The following CUL7 variants were observed in gnomAD, a reference collection of about 807,000 sequenced individuals.
The protein encoded by CUL7 is cullin-7.
Under a neutral mutation model 177.7 loss-of-function variants are expected in CUL7, and 96 were observed. That is an observed-to-expected ratio of 0.54 (90% CI 0.46 to 0.64). The LOEUF is 0.64. CUL7 is among the 30% of genes least tolerant of loss of function. The pLI is 0.00. For missense variants in CUL7, 1,893 were observed against 2,187.9 expected (o/e 0.87, Z 2.69); for synonymous variants, 824 against 890.2 (o/e 0.93, Z 1.32).
Position 43,040,157 on chromosome 6 carries a change from CTTG to C in CUL7, c.4290_4292del (p.Asn1430del), listed in dbSNP as rs763914646. On this transcript the variant is annotated inframe_deletion and splice_region_variant, in exon 22 of 26. Transcript: ENST00000265348. The surrounding 1 kb of genome is among the most constrained non-coding windows in gnomAD (Gnocchi z 4.2). ...CAGTCCCTCTGCCTGGCTGCTCACTCTTGTTGTAGAAGTTGGAGTATCTGTTCA... is the reference window on the plus strand; with the variant it reads ...CAGTCCCTCTGCCTGGCTGCTCACTCTTGTAGAAGTTGGAGTATCTGTTCA... 1.5e-5 allele frequency: 24 copies of C among 1,614,066 alleles called. No homozygotes were observed. Among genetic ancestry groups the C allele is most frequent in the East Asian group, 8.9e-5 (4 of 44,892 alleles).
At position 43,037,829 on chromosome 6, in the gene CUL7, G is replaced by A. The variant is rs1763075144; in HGVS notation, c.4956C>T (p.Val1652=). ...QVLSYAVPVT[V]MEPHTESLNP... ...TCAGGGACTCAGTGTGAGGCTCCAT[G>A]ACAGTCACAGGGACTGCATAGGACA... Residue 1652 remains valine (V), a synonymous_variant, in exon 26 of 26, where the codon GTC becomes GTT. Coordinates refer to ENST00000265348, the MANE Select transcript of CUL7 (RefSeq NM_014780.5). 1 of 1,612,106 alleles carries A rather than the reference G, an allele frequency of 6.2e-7. No homozygotes were observed. The highest frequency in any genetic ancestry group is 8.5e-7 in the Non-Finnish European group (1 of 1,179,236).
chr6:43,052,487 G>A lies in CUL7; in HGVS notation c.302C>T (p.Ala101Val). The change falls in exon 2 of 26, where the codon GCC becomes GTC. Residue 101 changes from alanine to valine, a missense_variant. By Grantham distance (64) the Ala-to-Val change is moderately conservative. Coordinates refer to ENST00000265348, the MANE Select transcript of CUL7 (RefSeq NM_014780.5). The surrounding 1 kb of genome is among the most constrained non-coding windows in gnomAD (Gnocchi z 4.5). ...PSQESAGEVG[A>V]LDKSVLEEME... is the part of the protein sequence containing the mutation. ...CTCCTCCAGCACAGATTTGTCCAGG[G>A]CCCCAACCTCCCCTGCAGACTCCTG... is the stretch of plus-strand genomic sequence containing the variant. 1.9e-6 allele frequency: 3 copies of A among 1,614,102 alleles called. No individual in the cohort carries two copies. The highest frequency in any genetic ancestry group is 2.5e-6 in the Non-Finnish European group (3 of 1,180,030).
At chr6:43,039,553 AAAAAGC>A (rs1763233749) in intron 22 of CUL7, among the ~76,000 whole-genome samples, 1 of 152,056 alleles carries the variant, frequency 6.6e-6, no homozygotes, top group African/African-American at 2.4e-5. Flanking sequence ...TTTAGAACAG[AAAAAGC>A]AATGGTCTGG....
Position 43,045,124 on chromosome 6 carries a change from T to C in CUL7, c.3038+103A>G. On this transcript the variant is annotated intron_variant, in intron 15 of 25. Coordinates refer to ENST00000265348, the MANE Select transcript of CUL7 (RefSeq NM_014780.5). This position sits in a 1 kb window ranked among gnomAD's most constrained non-coding sequence, Gnocchi z 4.8. ...AACTCCAGCCCCCTCCCCACGCATATTAAACCTCCATCTCACAGCTTCTAT... is the reference window on the plus strand; with the variant it reads ...AACTCCAGCCCCCTCCCCACGCATACTAAACCTCCATCTCACAGCTTCTAT... The C allele has an allele frequency of 1.4e-6, 2 of 1,466,522 alleles. No individual in the cohort carries two copies. Among genetic ancestry groups the C allele is most frequent in the Non-Finnish European group, 1.9e-6 (2 of 1,072,962 alleles). The allele number at this position is 1,466,522 out of a possible 1,614,324, so 90.8% of individuals were successfully genotyped here. A position where few individuals can be genotyped will look rare whatever the true frequency, so the allele number is the denominator to read the frequency against.
Position 43,052,814 on chromosome 6 carries a change from A to G in CUL7, c.-8-18T>C. Reference sequence around the variant, plus strand: ...CCTGGCACCTGGAGCACACAAGGAAAAGAGAACAGACAAGCTAGAGGAAGG... The same window carrying G: ...CCTGGCACCTGGAGCACACAAGGAAGAGAGAACAGACAAGCTAGAGGAAGG... On this transcript the variant is annotated intron_variant, in intron 1 of 25. Coordinates refer to ENST00000265348, the MANE Select transcript of CUL7 (RefSeq NM_014780.5). The surrounding 1 kb of genome is among the most constrained non-coding windows in gnomAD (Gnocchi z 4.5). The G allele has an allele frequency of 6.3e-7, 1 of 1,598,956 alleles. No individual in the cohort carries two copies. The highest frequency in any genetic ancestry group is 8.5e-7 in the Non-Finnish European group (1 of 1,178,914).
At position 43,046,421 on chromosome 6, in the gene CUL7, G is replaced by C; in HGVS notation, c.2489-14C>G. The C allele has an allele frequency of 6.2e-7, 1 of 1,614,228 alleles. No homozygotes were observed. The highest frequency in any genetic ancestry group is 2.2e-5 in the East Asian group (1 of 44,894). On this transcript the variant is annotated splice_polypyrimidine_tract_variant and intron_variant, in intron 11 of 25. Transcript: ENST00000265348. Reference sequence around the variant, plus strand: ...CCACACTGGAGCCTGGGGGCAAGTGGGAAGGGGTGGTGGTCACGGTCAGGT... The same window carrying C: ...CCACACTGGAGCCTGGGGGCAAGTGCGAAGGGGTGGTGGTCACGGTCAGGT...
In CUL7 at chr6:43,043,591, T is replaced by C. The variant is rs1763639147; in HGVS notation, c.3212A>G (p.Gln1071Arg). 2.5e-6 allele frequency: 4 copies of C among 1,613,188 alleles called. No individual in the cohort carries two copies. Among genetic ancestry groups the C allele is most frequent in the African/African-American group, 1.3e-5 (1 of 75,028 alleles). Residue 1071 changes from glutamine to arginine, a missense_variant, in exon 17 of 26, where the codon CAG (glutamine) becomes CGG (arginine). Transcript: ENST00000265348. The surrounding 1 kb of genome is among the most constrained non-coding windows in gnomAD (Gnocchi z 4.2). The stretch of plus-strand genomic sequence containing the variant: ...GACAGCTTCCTGACACTCCAGGTAC[T>C]GGTCCAGCAGCCAACCCAGGGGGCT... ...GISPLGWLLD[Q>R]YLECQEAVFN...
chr6:43,047,233 A>G lies in CUL7; in HGVS notation c.2170-126T>C, dbSNP rs573614432. 8 of 683,078 alleles carry G rather than the reference A, an allele frequency of 1.2e-5. No individual in the cohort carries two copies. The East Asian group carries it at 2.1e-4, about 18-fold the overall frequency. 42.3% of individuals were successfully genotyped at this position (683,078 alleles called of 1,614,324 possible). A position where few individuals can be genotyped will look rare whatever the true frequency, so the allele number is the denominator to read the frequency against. On this transcript the variant is annotated intron_variant, in intron 9 of 25. Coordinates refer to ENST00000265348, the MANE Select transcript of CUL7 (RefSeq NM_014780.5). ...CTAGGGGTGCTACAGTGAGCAAGGC[A>G]GAGTGACGAAGTGAAAAGACAGGGA...
chr6:43,040,515 T>A lies in CUL7; in HGVS notation c.4023+15A>T, dbSNP rs1317736545. The A allele has an allele frequency of 1.4e-5, 23 of 1,613,680 alleles. No individual in the cohort carries two copies. Among genetic ancestry groups the A allele is most frequent in the Non-Finnish European group, 1.9e-5 (22 of 1,179,996 alleles). On this transcript the variant is annotated intron_variant, in intron 21 of 25. Transcript: ENST00000265348. This position sits in a 1 kb window ranked among gnomAD's most constrained non-coding sequence, Gnocchi z 4.2. ...CCCTACCCTCTTATTTGCTTATCCC[T>A]TCCAAGGCACTCACCTGTATTTTCT...
In CUL7 at chr6:43,046,917, C is replaced by T. The variant is rs200899810; in HGVS notation, c.2360G>A (p.Arg787His). The T allele has an allele frequency of 2.5e-5, 40 of 1,611,274 alleles. No individual in the cohort carries two copies. The highest frequency in any genetic ancestry group is 6.7e-5 in the East Asian group (3 of 44,882). Residue 787 changes from arginine (R) to histidine (H), a missense_variant, in exon 10 of 26, where the codon CGC becomes CAC. By Grantham distance (29) the Arg-to-His change is conservative. Around this residue, in one of 5 missense-constraint regions of CUL7, gnomAD observed 973 missense variants for 1,140.9 expected, o/e 0.85. Coordinates refer to ENST00000265348, the MANE Select transcript of CUL7 (RefSeq NM_014780.5). The part of the protein sequence containing the change: ...FKCEKHAHLY[R>H]KLITNILGGC... ...TCCCAGGATGTTGGTGATGAGTTTG[C>T]GGTAGAGGTGGGCATGCTTCTCACA...
rs1419298879 is a variant in CUL7, at chr6:43,043,499, G to A, written c.3304C>T (p.His1102Tyr). Residue 1102 changes from histidine (H) to tyrosine (Y), a missense_variant, in exon 17 of 26, where the codon CAT becomes TAT. By Grantham distance (83) the His-to-Tyr change is moderately conservative. Coordinates refer to ENST00000265348, the MANE Select transcript of CUL7 (RefSeq NM_014780.5). This position sits in a 1 kb window ranked among gnomAD's most constrained non-coding sequence, Gnocchi z 4.2. ...GGGGGTGCCTCACAGGGCTCGACAT[G>A]CACCAGCAGGTGAGTGAGACGGCGC... ...RVRRLTHLLV[H>Y]VEPCEAPPPV... The A allele has an allele frequency of 1.2e-6, 2 of 1,614,124 alleles. No individual in the cohort carries two copies. The highest frequency in any genetic ancestry group is 1.7e-4 in the Middle Eastern group (1 of 6,060).
At position 43,050,154 on chromosome 6, in the gene CUL7, G is replaced by C; in HGVS notation, c.1378C>G (p.Pro460Ala). Residue 460 changes from proline to alanine, a missense_variant, in exon 6 of 26, where the codon CCT becomes GCT. Transcript: ENST00000265348. The surrounding 1 kb of genome is among the most constrained non-coding windows in gnomAD (Gnocchi z 4.1). ...GTCATGGGCCTCCAGCGCCAGGCAG[G>C]CAGGGCTGTGAAAATGGGCCAAGGG... ...VASRVLGRAL[P>A]AWRWRPMTEL... The C allele has an allele frequency of 1.2e-6, 2 of 1,614,210 alleles. No individual in the cohort carries two copies. The highest frequency in any genetic ancestry group is 1.7e-6 in the Non-Finnish European group (2 of 1,180,044).
chr6:43,047,169 CAG>C lies in CUL7; in HGVS notation c.2170-64_2170-63del, dbSNP rs1483091230. On this transcript the variant is annotated intron_variant, in intron 9 of 25. Coordinates refer to ENST00000265348, the MANE Select transcript of CUL7 (RefSeq NM_014780.5). ...AGGGCGAGGGCCACAAGGGCACCTG[CAG>C]TAGCAGGTACCCACTGTGTACTCTG... The C allele has an allele frequency of 6.6e-6, 6 of 913,856 alleles. No individual in the cohort carries two copies. The African/African-American group carries it at 9.8e-5, about 15-fold the overall frequency. The allele number at this position is 913,856 out of a possible 1,614,324, so 56.6% of individuals were successfully genotyped here. A position where few individuals can be genotyped will look rare whatever the true frequency, so the allele number is the denominator to read the frequency against.
rs760376155 is a variant in CUL7 at position 43,048,162 on chromosome 6, T to C, written c.2155A>G (p.Asn719Asp). ...GGCAGGGGTACCTCTCGATCAGTGT[T>C]TGGGGACCGCAGGCAGGCCATGCAG... ...DACMACLRSPNTDREVLQELI... is the reference protein window; with the variant it reads ...DACMACLRSPDTDREVLQELI... The change falls in exon 9 of 26, where the codon AAC becomes GAC. Residue 719 changes from asparagine (N) to aspartate (D), a missense_variant. Transcript: ENST00000265348. 1 of 1,612,340 alleles carries C rather than the reference T, an allele frequency of 6.2e-7. No individual in the cohort carries two copies. Among genetic ancestry groups the C allele is most frequent in the Admixed American group, 1.7e-5 (1 of 59,996 alleles).
chr6:43,052,153 C>T lies in CUL7; in HGVS notation c.580+56G>A, dbSNP rs772877656. The T allele has an allele frequency of 5.0e-6, 8 of 1,603,780 alleles. No individual in the cohort carries two copies. The East Asian group carries it at 1.8e-4, about 36-fold the overall frequency. ...CTCCTGCCACAGTGTCCTGTGAGTC[C>T]CTGAGCCGACCCAGCCCTTCTCCTG... On this transcript the variant is annotated intron_variant, in intron 2 of 25. Coordinates refer to ENST00000265348, the MANE Select transcript of CUL7 (RefSeq NM_014780.5). The surrounding 1 kb of genome is among the most constrained non-coding windows in gnomAD (Gnocchi z 4.5).
At chr6:43,038,220 C>A in intron 25 of CUL7, 47 bp downstream of exon 25, 1 of 1,603,564 alleles carries the variant, frequency 6.2e-7, no homozygotes, top group East Asian at 2.2e-5. Flanking sequence ...GACTGCTCCC[C>A]CAACCCCAGC....
chr6:43,043,204 G>T lies in CUL7; in HGVS notation c.3356-24C>A. On this transcript the variant is annotated intron_variant, in intron 17 of 25. Transcript: ENST00000265348. The surrounding 1 kb of genome is among the most constrained non-coding windows in gnomAD (Gnocchi z 4.2). ...TTCTGTAGAGACCAAGAAAGTGGCA[G>T]AGGCAAGGAGGGTGCAGCCCCTCCA... 1 of 1,586,954 alleles carries T rather than the reference G, an allele frequency of 6.3e-7. No individual in the cohort carries two copies.
In CUL7 at chr6:43,053,784, T is replaced by G; in HGVS notation, c.-171A>C. The G allele has an allele frequency of 6.5e-7, 1 of 1,531,504 alleles. No individual in the cohort carries two copies. Among genetic ancestry groups the G allele is most frequent in the Non-Finnish European group, 8.7e-7 (1 of 1,145,410 alleles). 94.9% of individuals were successfully genotyped at this position (1,531,504 alleles called of 1,614,324 possible). ...TCCGCGGAACAGAGCTGCACCCGCG[T>G]GAGTCGGCAGCCACTGGGGCAGGGT... On this transcript the variant is annotated 5_prime_UTR_variant, in exon 1 of 26. Transcript: ENST00000265348. This position sits in a 1 kb window ranked among gnomAD's most constrained non-coding sequence, Gnocchi z 4.1.
In CUL7 at chr6:43,051,898, T is replaced by C. The variant is rs939112502; in HGVS notation, c.581-135A>G. The stretch of plus-strand genomic sequence containing the variant: ...AACTGATTTGCTTCAAAAGCTAAAA[T>C]TTGCTAACTTATACACATACACACA... On this transcript the variant is annotated intron_variant, in intron 2 of 25. Coordinates refer to ENST00000265348, the MANE Select transcript of CUL7 (RefSeq NM_014780.5). The surrounding 1 kb of genome is among the most constrained non-coding windows in gnomAD (Gnocchi z 5.0). 6.5e-6 allele frequency: 8 copies of C among 1,225,280 alleles called. No homozygotes were observed. The highest frequency in any genetic ancestry group is 9.6e-6 in the Non-Finnish European group (8 of 836,358). 75.9% of individuals were successfully genotyped at this position (1,225,280 alleles called of 1,614,324 possible).
Sources: gnomAD v4.1 joint callset for allele counts (sites outside exome capture counted in the v4.1 genomes callset) on GRCh38, gnomAD v4.1.1 for gene constraint, gnomAD v4.1.1 regional missense constraint, Gnocchi (gnomAD v3.1) non-coding constraint, MANE v1.5 for transcripts, NCBI Gene and HGNC (gene_info 2026-07-23, HGNC 2026-07-21) for gene names.